The following GAB1 variants were observed in gnomAD, a reference collection of about 807,000 sequenced individuals.
The protein encoded by GAB1 is GRB2-associated-binding protein 1.
A neutral mutation model predicts 66.5 loss-of-function variants in GAB1; 19 were observed. The ratio of observed to expected loss-of-function variants is 0.29; its 90% CI spans 0.20 to 0.42. The LOEUF is 0.42. GAB1 is among the 10% of genes least tolerant of loss of function. GAB1 has a pLI of 1.00. For synonymous variants in GAB1, 294 were observed against 301.4 expected (o/e 0.98, Z 0.25); for missense variants, 732 against 858.5 (o/e 0.85, Z 1.84).
intron 9 of GAB1, 99 bp from the exon 10 acceptor site, chr4:143,468,932 A>G: frequency 1.5e-6 from 2 of 1,305,930 alleles, no homozygotes; most frequent in Admixed American, 2.4e-5. Context: ...TCAAAAAAAA[A>G]AAGTATTCAC....
intron 6 of GAB1, among the ~76,000 whole-genome samples, chr4:143,450,478 A>G (rs1734860067): frequency 6.6e-6 from 1 of 152,248 alleles, no homozygotes; most frequent in African/African-American, 2.4e-5. Flanking sequence ...AGAATAATGC[A>G]TTAATAGATC....
rs1021261125 is a variant in GAB1, at chr4:143,433,638, A to G, written c.515A>G (p.Glu172Gly). ...YQLINVPPHL[E>G]TLGIQEDPQD... is the part of the protein sequence containing the mutation. The stretch of plus-strand genomic sequence containing the variant: ...CTAATCAATGTTCCACCACACCTGG[A>G]AACTCTTGGCATTCAGGAGGATCCT... Residue 172 changes from glutamate (E) to glycine (G), a missense_variant, in exon 3 of 10, where the codon GAA (glutamate) becomes GGA (glycine). This residue lies in a region of GAB1 where 427 missense variants were observed against 420.6 expected (regional missense o/e 1.02). Transcript: ENST00000262994. 2.5e-6 allele frequency: 4 copies of G among 1,614,004 alleles called. No homozygotes were observed. Among genetic ancestry groups the G allele is most frequent in the Non-Finnish European group, 3.4e-6 (4 of 1,179,924 alleles).
chr4:143,365,531 T>C (rs952634344), intron 1 of GAB1, among the ~76,000 whole-genome samples: 6 of 152,188 alleles, frequency 3.9e-5, no homozygotes, highest in Non-Finnish European at 8.8e-5. Context: ...ACTGTTTTTC[T>C]CTATACCCCT....
intron 2 of GAB1, chr4:143,417,474 C>A: frequency 2.5e-6 from 1 of 404,128 alleles, no homozygotes; most frequent in Non-Finnish European, 4.9e-6. Context: ...GTGGCATGAT[C>A]TCTGCTCACT....
chr4:143,473,779 A>T lies in GAB1; in HGVS notation c.*4590A>T, dbSNP rs2149807841. The T allele has an allele frequency of 6.6e-6, 1 of 152,342 alleles. No individual in the cohort carries two copies. The highest frequency in any genetic ancestry group is 3.4e-3 in the Middle Eastern group (1 of 294). The allele number at this position is 152,342 out of a possible 1,614,324, so 9.4% of individuals were successfully genotyped here. On this transcript the variant is annotated 3_prime_UTR_variant, in exon 10 of 10. Coordinates refer to ENST00000262994, the MANE Select transcript of GAB1 (RefSeq NM_002039.4). ...TCCAGTACTTTATAAAATCCCAACA[A>T]TTGCTGTAAGTCAGCACTTTGGTCC...
chr4:143,415,824 C>G (rs1732650117), intron 2 of GAB1, 53 bp downstream of exon 2: 2 of 1,288,268 alleles, frequency 1.6e-6, no homozygotes, highest in Non-Finnish European at 2.2e-6. Context: ...TGCTACATTT[C>G]CAGAAATGTC....
Position 143,466,230 on chromosome 4 carries a change from G to A in GAB1, c.1926+5G>A. The stretch of plus-strand genomic sequence containing the variant: ...AAATCCACACCACCACGTAAGGTGA[G>A]TGACATGTGACATGTCTCTTCTTTG... On this transcript the variant is annotated splice_donor_5th_base_variant and intron_variant, in intron 9 of 9. Transcript: ENST00000262994. 6.2e-7 allele frequency: 1 copy of A among 1,612,758 alleles called. No homozygotes were observed. The highest frequency in any genetic ancestry group is 8.5e-7 in the Non-Finnish European group (1 of 1,179,104).
Position 143,349,709 on chromosome 4 carries a change from C to T in GAB1, c.72+12449C>T, listed in dbSNP as rs151067137. 7,139 of 1,564,644 alleles carry T rather than the reference C, an allele frequency of 4.6e-3. 292 individuals carry two copies. In the African/African-American group the frequency reaches 0.085, roughly 19 times the overall value. On this transcript the variant is annotated intron_variant, in intron 1 of 9. Coordinates refer to ENST00000262994, the MANE Select transcript of GAB1 (RefSeq NM_002039.4). Reference sequence around the variant, plus strand: ...GCCAGGATGATGGCCCCACAGATGGCGGTGGCCACCTCCTTGGAGCACTTA... The same window carrying T: ...GCCAGGATGATGGCCCCACAGATGGTGGTGGCCACCTCCTTGGAGCACTTA...
intron 1 of GAB1, among the ~76,000 whole-genome samples, chr4:143,348,220 C>T (rs1469075029): frequency 1.3e-5 from 2 of 152,222 alleles, no homozygotes; most frequent in Admixed American, 1.3e-4. Flanking sequence ...GCTCTTAACA[C>T]CTAGTTAAAT....
At chr4:143,413,903 A>G (rs1326428879) in intron 1 of GAB1, among the ~76,000 whole-genome samples, 3 of 143,200 alleles carry the variant, frequency 2.1e-5, no homozygotes, top group Non-Finnish European at 4.5e-5. Flanking sequence ...GCTCACTGCA[A>G]CTGCCAACTC....
chr4:143,448,072 C>G (rs9685389), intron 6 of GAB1, among the ~76,000 whole-genome samples: 69,001 of 151,188 alleles, frequency 0.46, 19,130 homozygotes, highest in African/African-American at 0.79. Flanking sequence ...TTGGTTCTGT[C>G]TTTATATGCT....
At chr4:143,430,806 A>G (rs1415168665) in intron 2 of GAB1, among the ~76,000 whole-genome samples, 1 of 152,208 alleles carries the variant, frequency 6.6e-6, no homozygotes, top group Non-Finnish European at 1.5e-5. Flanking sequence ...TTTAGTTAAT[A>G]TGTTCACACT....
intron 6 of GAB1, among the ~76,000 whole-genome samples, chr4:143,442,530 A>G (rs1432134098): frequency 6.6e-6 from 1 of 152,208 alleles, no homozygotes; most frequent in Non-Finnish European, 1.5e-5. Flanking sequence ...CCTAAGATCA[A>G]TTAATGATTA....
At chr4:143,431,088 C>T (rs1733624731) in intron 2 of GAB1, among the ~76,000 whole-genome samples, 1 of 152,146 alleles carries the variant, frequency 6.6e-6, no homozygotes, top group Non-Finnish European at 1.5e-5. Flanking sequence ...TTTTTATAGA[C>T]ATCACCCAGA....
chr4:143,422,175 C>G (rs541593999), intron 2 of GAB1, among the ~76,000 whole-genome samples: 1 of 152,202 alleles, frequency 6.6e-6, no homozygotes, highest in South Asian at 2.1e-4. Context: ...TTTGTAGACC[C>G]TTATTTGCTA....
intron 1 of GAB1, among the ~76,000 whole-genome samples, chr4:143,338,349 G>A (rs1382147416): frequency 6.6e-6 from 1 of 152,094 alleles, no homozygotes; most frequent in East Asian, 1.9e-4. Context: ...ATGCCTGTAC[G>A]AAGGGAACCC....
intron 8 of GAB1, among the ~76,000 whole-genome samples, chr4:143,465,454 C>A (rs1182969109): frequency 6.6e-6 from 1 of 151,966 alleles, no homozygotes; most frequent in Admixed American, 6.6e-5. Context: ...AATTTTAATT[C>A]TTTTTAAACC....
chr4:143,409,387 C>T (rs1200338738), intron 1 of GAB1, among the ~76,000 whole-genome samples: 1 of 129,136 alleles, frequency 7.7e-6, no homozygotes, highest in Non-Finnish European at 1.6e-5. Context: ...TTTGAACTTT[C>T]CCCCCCCCCG....
intron 1 of GAB1, among the ~76,000 whole-genome samples, chr4:143,390,486 A>C (rs1022489239): frequency 2.4e-4 from 37 of 151,814 alleles, no homozygotes; most frequent in African/African-American, 8.0e-4. Flanking sequence ...AGAGACCTGC[A>C]GTTGATTATT....
Sources: allele counts gnomAD v4.1 joint callset (sites outside exome capture counted in the v4.1 genomes callset), GRCh38; gene constraint gnomAD v4.1.1; regional missense constraint gnomAD v4.1.1; transcripts MANE v1.5; gene names NCBI Gene and HGNC (gene_info 2026-07-23, HGNC 2026-07-21).